The following PLCE1 variants were observed in gnomAD, a reference collection of about 807,000 sequenced individuals.
PLCE1 encodes 1-phosphatidylinositol 4,5-bisphosphate phosphodiesterase epsilon-1.
PLCE1 carries 119 observed loss-of-function variants against 242.8 expected under a neutral mutation model. That is an observed-to-expected ratio of 0.49 (90% CI 0.42 to 0.57). The LOEUF (loss-of-function observed/expected upper bound fraction) is 0.57, where lower values mean the gene tolerates loss of function less well. Ranked by LOEUF, PLCE1 falls within the 20% of genes least tolerant of loss-of-function variation. The pLI is 0.00. For missense variants in PLCE1, 2,441 were observed against 2,788.8 expected, an observed-to-expected ratio of 0.88 and a Z score of 2.81; for synonymous variants, 945 against 1,017.4, an observed-to-expected ratio of 0.93 and a Z score of 1.35.
chr10:94,208,637 A>C, intron 4 of PLCE1, among the ~76,000 whole-genome samples: 1 of 152,180 alleles, frequency 6.6e-6, no homozygotes, highest in Admixed American at 6.5e-5. Flanking sequence ...ATTCCCAAAC[A>C]CAAGGCTTTA....
At chr10:94,262,880 T>G (rs533341130) in intron 14 of PLCE1, 148 bp downstream of exon 14, 27 of 724,714 alleles carry the variant, frequency 3.7e-5, no homozygotes, top group Middle Eastern at 3.2e-4. Context: ...TTTGTTTTTT[T>G]GGGTGTTTTT....
At chr10:94,028,647 C>T (rs2061497735) in intron 1 of PLCE1, among the ~76,000 whole-genome samples, 1 of 152,024 alleles carries the variant, frequency 6.6e-6, no homozygotes, top group Non-Finnish European at 1.5e-5. Context: ...GAGAATTACA[C>T]AAGATAATAA....
intron 29 of PLCE1, among the ~76,000 whole-genome samples, chr10:94,317,023 G>A (rs956324419): frequency 6.6e-6 from 1 of 152,204 alleles, no homozygotes; most frequent in Non-Finnish European, 1.5e-5. Flanking sequence ...GGCCGAGGTG[G>A]GTGGATCACT....
At chr10:94,192,826 C>T (rs1330900262) in intron 4 of PLCE1, among the ~76,000 whole-genome samples, 1 of 152,148 alleles carries the variant, frequency 6.6e-6, no homozygotes, top group Admixed American at 6.5e-5. Flanking sequence ...TCTCCATAGC[C>T]TCACAAGCAT....
chr10:94,324,050 T>G (rs1205675840), intron 30 of PLCE1, among the ~76,000 whole-genome samples: 11 of 152,222 alleles, frequency 7.2e-5, no homozygotes, highest in Non-Finnish European at 1.2e-4. Flanking sequence ...TTATTGTTAC[T>G]ATTATAGCTG....
intron 2 of PLCE1, among the ~76,000 whole-genome samples, chr10:94,065,644 T>C (rs1467338660): frequency 1.3e-5 from 2 of 152,196 alleles, no homozygotes; most frequent in African/African-American, 4.8e-5. Context: ...GTGTCTCCAG[T>C]ATTTTGTTCA....
intron 3 of PLCE1, among the ~76,000 whole-genome samples, chr10:94,133,715 GT>G (rs766608439): frequency 2.0e-5 from 3 of 152,194 alleles, no homozygotes; most frequent in Admixed American, 6.5e-5. Context: ...CAGGGGATTG[GT>G]TATAAATGAA....
At chr10:94,238,602 T>C (rs1288094640) in intron 7 of PLCE1, among the ~76,000 whole-genome samples, 1 of 152,224 alleles carries the variant, frequency 6.6e-6, no homozygotes, top group African/African-American at 2.4e-5. Flanking sequence ...TGAATTATAA[T>C]GCTCATTAAT....
intron 7 of PLCE1, among the ~76,000 whole-genome samples, chr10:94,245,306 A>G (rs2050639274): frequency 6.6e-6 from 1 of 152,228 alleles, no homozygotes; most frequent in African/African-American, 2.4e-5. Flanking sequence ...GATTTAGTAC[A>G]AAAAATGTAC....
chr10:94,003,128 A>C (rs1001789258), intron 1 of PLCE1, among the ~76,000 whole-genome samples: 4 of 152,216 alleles, frequency 2.6e-5, no homozygotes, highest in Non-Finnish European at 5.9e-5. Flanking sequence ...TATTACCCAC[A>C]AATAATGATT....
intron 4 of PLCE1, among the ~76,000 whole-genome samples, chr10:94,214,348 A>G (rs554739870): frequency 6.6e-6 from 1 of 151,628 alleles, no homozygotes; most frequent in African/African-American, 2.4e-5. Context: ...GATTACATAC[A>G]CTCTCTTCCC....
intron 20 of PLCE1, among the ~76,000 whole-genome samples, chr10:94,281,580 C>T (rs2052223900): frequency 6.6e-6 from 1 of 152,170 alleles, no homozygotes; most frequent in African/African-American, 2.4e-5. Flanking sequence ...CCACACCAGG[C>T]TCTGTTCCAG....
intron 1 of PLCE1, among the ~76,000 whole-genome samples, chr10:94,007,175 A>G (rs1468754050): frequency 6.6e-6 from 1 of 152,106 alleles, no homozygotes; most frequent in Non-Finnish European, 1.5e-5. Flanking sequence ...AGGGAGAGGG[A>G]GAGAGGACAG....
intron 4 of PLCE1, among the ~76,000 whole-genome samples, chr10:94,193,342 C>G (rs947104791): frequency 3.9e-5 from 6 of 152,142 alleles, no homozygotes; most frequent in Admixed American, 2.6e-4. Context: ...TCACAGCAAA[C>G]AAAGGTGAAA....
At chr10:94,265,162 A>G (rs1053878920) in intron 14 of PLCE1, among the ~76,000 whole-genome samples, 2 of 152,180 alleles carry the variant, frequency 1.3e-5, no homozygotes, top group African/African-American at 4.8e-5. Flanking sequence ...TTATCACCTG[A>G]CTGGGTATCA....
intron 4 of PLCE1, among the ~76,000 whole-genome samples, chr10:94,216,026 G>T (rs1350675649): frequency 3.3e-5 from 5 of 152,320 alleles, no homozygotes; most frequent in African/African-American, 1.2e-4. Flanking sequence ...GGCCTGCCTG[G>T]GTTGGAATCC....
intron 5 of PLCE1, among the ~76,000 whole-genome samples, chr10:94,233,194 A>C (rs951452193): frequency 6.6e-6 from 1 of 152,226 alleles, no homozygotes; most frequent in Non-Finnish European, 1.5e-5. Flanking sequence ...GTTTCAGAAT[A>C]GGGAAAGTCC....
At chr10:94,300,936 A>G (rs1248896353) in intron 24 of PLCE1, among the ~76,000 whole-genome samples, 1 of 152,102 alleles carries the variant, frequency 6.6e-6, no homozygotes. Context: ...TTGGCGGTGT[A>G]TGCCTGTAGT....
intron 13 of PLCE1, among the ~76,000 whole-genome samples, chr10:94,260,827 C>A (rs2132982556): frequency 6.6e-6 from 1 of 152,186 alleles, no homozygotes; most frequent in Non-Finnish European, 1.5e-5. Context: ...CCATGCCCAG[C>A]TTAGACTTTA....
Sources: allele counts gnomAD v4.1 joint callset (sites outside exome capture counted in the v4.1 genomes callset), GRCh38; gene constraint gnomAD v4.1.1; transcripts MANE v1.5; gene names NCBI Gene and HGNC (gene_info 2026-07-23, HGNC 2026-07-21).